The following CLUAP1 variants were observed in gnomAD, a reference collection of about 807,000 sequenced individuals.
CLUAP1 encodes the protein clusterin-associated protein 1.
Under a neutral mutation model 55.0 loss-of-function variants are expected in CLUAP1, and 50 were observed. That is an observed-to-expected ratio of 0.91 (90% CI 0.72 to 1.15). The LOEUF (loss-of-function observed/expected upper bound fraction) is 1.15, where lower values mean the gene tolerates loss of function less well. Among genes scored for constraint, CLUAP1 ranks in the 50% most tolerant of loss-of-function variants. The pLI, the probability that CLUAP1 is intolerant of heterozygous loss-of-function variation, is 0.00. For synonymous variants in CLUAP1, 195 were observed against 175.4 expected (o/e 1.11, Z -0.88); for missense variants, 530 against 507.6 (o/e 1.04, Z -0.42).
Position 3,538,914 on chromosome 16 carries a change from G to C in CLUAP1, c.*2643G>C, listed in dbSNP as rs2038292226. 1 of 152,282 alleles carries C rather than the reference G, an allele frequency of 6.6e-6. No individual in the cohort carries two copies. 9.4% of individuals were successfully genotyped at this position (152,282 alleles called of 1,614,324 possible). ...CAGACCTCAGGACCTAACGAGGATG[G>C]TTGTGATTAGGTCAAATAGAAAACT... is the stretch of plus-strand genomic sequence containing the variant. On this transcript the variant is annotated 3_prime_UTR_variant, in exon 12 of 12. Coordinates refer to ENST00000576634, the MANE Select transcript of CLUAP1 (RefSeq NM_015041.3).
rs757504493 is a variant in CLUAP1, at chr16:3,519,856, G to A, written c.580-47G>A. The A allele has an allele frequency of 1.1e-5, 17 of 1,540,484 alleles. No homozygotes were observed. The Admixed American group carries it at 2.8e-4, about 26-fold the overall frequency. On this transcript the variant is annotated intron_variant, in intron 6 of 11. Transcript: ENST00000576634. Reference sequence around the variant, plus strand: ...GCAAAATTCTTCTAAGAATTAGGATGGCTGTTTTTATTGCCACCTTGTCTC... The same window carrying A: ...GCAAAATTCTTCTAAGAATTAGGATAGCTGTTTTTATTGCCACCTTGTCTC...
chr16:3,503,203 A>T (rs1192678093), intron 1 of CLUAP1, among the ~76,000 whole-genome samples: 1 of 150,888 alleles, frequency 6.6e-6, no homozygotes, highest in Admixed American at 6.6e-5. Flanking sequence ...TCGCTCTGTC[A>T]CCCAGGCTGG....
intron 2 of CLUAP1, among the ~76,000 whole-genome samples, chr16:3,505,126 C>T (rs1211899620): frequency 6.6e-6 from 1 of 152,172 alleles, no homozygotes; most frequent in Non-Finnish European, 1.5e-5. Flanking sequence ...ATAGTTCCAG[C>T]GACTCAGGAG....
rs114240873 is a variant in CLUAP1 at position 3,516,257 on chromosome 16, C to T, written c.579+666C>T. Among the ~76,000 whole-genome samples the T allele has an allele frequency of 2.0e-3, 309 of 152,346 alleles. 4 individuals are homozygous for T. Among genetic ancestry groups the T allele is most frequent in the African/African-American group, 6.7e-3 (278 of 41,590 alleles). On this transcript the variant is annotated intron_variant, in intron 6 of 11. Coordinates refer to ENST00000576634, the MANE Select transcript of CLUAP1 (RefSeq NM_015041.3). ...GTCATCACTGGTGATTTATTTTACT[C>T]AGTAGACACGGATGAGGGCCCCTGT...
upstream of CLUAP1, among the ~76,000 whole-genome samples, chr16:3,499,682 T>G (rs2037351917): frequency 6.6e-6 from 1 of 152,234 alleles, no homozygotes; most frequent in South Asian, 2.1e-4. Context: ...ACACGTCTCT[T>G]TATCAGATAT....
upstream of CLUAP1, chr16:3,500,875 AG>A: frequency 1.6e-6 from 1 of 613,094 alleles, no homozygotes; most frequent in Non-Finnish European, 2.9e-6. Context: ...TCGGCGTCTC[AG>A]GAGCGCTCTC....
intron 11 of CLUAP1, chr16:3,533,221 G>A (rs980376842): frequency 7.7e-7 from 1 of 1,302,678 alleles, no homozygotes; most frequent in Non-Finnish European, 1.1e-6. Context: ...CCAGCCAGGG[G>A]CCTCTCCCTA....
chr16:3,530,704 T>C, intron 10 of CLUAP1, 29 bp downstream of exon 10: 1 of 1,563,930 alleles, frequency 6.4e-7, no homozygotes, highest in Non-Finnish European at 8.8e-7. Flanking sequence ...CTGGACTTCC[T>C]CCCTGCGCCC....
chr16:3,519,366 G>C (rs1437348105), intron 6 of CLUAP1, among the ~76,000 whole-genome samples: 1 of 152,226 alleles, frequency 6.6e-6, no homozygotes. Flanking sequence ...TTAGTCTGTA[G>C]TCAAGCTTCT....
chr16:3,519,988 T>G lies in CLUAP1; in HGVS notation c.665T>G (p.Leu222Ter). 6.2e-7 allele frequency: 1 copy of G among 1,613,596 alleles called. No individual in the cohort carries two copies. Among genetic ancestry groups the G allele is most frequent in the Non-Finnish European group, 8.5e-7 (1 of 1,179,860 alleles). ...GAAGCCAAAATCGAAAAGAGAAAAT[T>G]AGAACTGGAAAGAAATCGGAAGCGA... ...NLEAKIEKRKLELERNRKRLE... is the reference protein window; with the variant it reads ...NLEAKIEKRK Residue 222 changes from leucine to a stop codon, truncating the protein, a stop_gained, in exon 7 of 12, where the codon TTA becomes TGA. Transcript: ENST00000576634. LOFTEE classifies it high-confidence loss of function.
chr16:3,523,395 A>G (rs2151060548), intron 8 of CLUAP1, 96 bp downstream of exon 8: 1 of 1,379,286 alleles, frequency 7.3e-7, no homozygotes, highest in Non-Finnish European at 9.8e-7. Flanking sequence ...TGAAAAAAAT[A>G]TCAGTACATG....
chr16:3,499,266 AC>A (rs1157026586), upstream of CLUAP1, among the ~76,000 whole-genome samples: 1 of 152,014 alleles, frequency 6.6e-6, no homozygotes, highest in East Asian at 1.9e-4. Flanking sequence ...AATCGCTTGA[AC>A]CCTGGAGGCG....
chr16:3,529,633 T>TA (rs2038044114), intron 9 of CLUAP1, among the ~76,000 whole-genome samples: 6 of 12,350 alleles, frequency 4.9e-4, no homozygotes, highest in African/African-American at 8.8e-4. Flanking sequence ...ATATTATATA[T>TA]TATTATATAT....
chr16:3,534,476 T>A (rs962130668), intron 11 of CLUAP1: 5 of 152,298 alleles, frequency 3.3e-5, no homozygotes, highest in African/African-American at 1.2e-4. Flanking sequence ...TTTCTCTGAG[T>A]GTGAGGGGAA....
In CLUAP1 at chr16:3,538,422, C is replaced by T. The variant is rs1042026050; in HGVS notation, c.*2151C>T. The T allele has an allele frequency of 2.0e-5, 3 of 152,166 alleles. No homozygotes were observed. Among genetic ancestry groups the T allele is most frequent in the African/African-American group, 7.2e-5 (3 of 41,438 alleles). The allele number at this position is 152,166 out of a possible 1,614,324, so 9.4% of individuals were successfully genotyped here. ...GGAAGCCAGCGTGTTGGAGCCATGC[C>T]AGCCACCTCAGACACCGTGGCTCTA... On this transcript the variant is annotated 3_prime_UTR_variant, in exon 12 of 12. Coordinates refer to ENST00000576634, the MANE Select transcript of CLUAP1 (RefSeq NM_015041.3).
chr16:3,510,674 C>T (rs895067682), intron 4 of CLUAP1, among the ~76,000 whole-genome samples: 45 of 152,168 alleles, frequency 3.0e-4, no homozygotes, highest in African/African-American at 1.1e-3. Flanking sequence ...AACTGAGGAA[C>T]TGAGTTGAGT....
intron 9 of CLUAP1, among the ~76,000 whole-genome samples, chr16:3,529,831 T>C (rs1305496334): frequency 1.2e-4 from 5 of 40,608 alleles, no homozygotes; most frequent in African/African-American, 5.8e-4. Context: ...TAATATATTA[T>C]ATAATATATT....
intron 3 of CLUAP1, among the ~76,000 whole-genome samples, chr16:3,507,677 A>AATTT (rs1555492712): frequency 1.9e-5 from 2 of 103,894 alleles, no homozygotes; most frequent in African/African-American, 8.7e-5. Flanking sequence ...TCTCTTCCAG[A>AATTT]GTTTGTGTGT....
intron 9 of CLUAP1, among the ~76,000 whole-genome samples, chr16:3,527,570 A>C (rs778338044): frequency 6.6e-6 from 1 of 151,802 alleles, no homozygotes; most frequent in Non-Finnish European, 1.5e-5. Context: ...TTTAGAGAAG[A>C]CTTTACTCCT....
Sources: allele counts gnomAD v4.1 joint callset (sites outside exome capture counted in the v4.1 genomes callset), GRCh38; gene constraint gnomAD v4.1.1; transcripts MANE v1.5; gene names NCBI Gene and HGNC (gene_info 2026-07-23, HGNC 2026-07-21).